RELL1: variants seen among roughly 807,000 people sequenced by gnomAD.
The protein encoded by RELL1 is RELT like 1.
Under a neutral mutation model 23.0 loss-of-function variants are expected in RELL1, and 10 were observed. That is an observed-to-expected ratio of 0.43 (90% CI 0.27 to 0.74). RELL1 has a LOEUF of 0.74. Ranked by LOEUF, RELL1 falls within the 30% of genes least tolerant of loss-of-function variation. The pLI is 0.19. For missense variants in RELL1, 315 were observed against 364.4 expected, an observed-to-expected ratio of 0.86 and a Z score of 1.10; for synonymous variants, 146 against 146.8, an observed-to-expected ratio of 0.99 and a Z score of 0.04.
In RELL1 at chr4:37,595,369, C is replaced by T. The variant is rs529822392; in HGVS notation, c.*4-4152G>A. 2.0e-3 allele frequency among the ~76,000 whole-genome samples: 306 copies of T among 152,268 alleles called. 1 individual carries two copies. The highest frequency in any genetic ancestry group is 7.0e-3 in the African/African-American group (291 of 41,556). ...TGCACATTTAGTCACTTGGAGTCAA[C>T]TATTAGCAATTTTTTTCAACTGAAA... On this transcript the variant is annotated intron_variant, in intron 6 of 6. Transcript: ENST00000314117.
intron 1 of RELL1, among the ~76,000 whole-genome samples, chr4:37,650,425 G>A (rs1437450907): frequency 6.6e-6 from 1 of 152,188 alleles, no homozygotes; most frequent in South Asian, 2.1e-4. Context: ...ATAGAGTGAT[G>A]AACAACGTAA....
chr4:37,588,955 C>G, downstream of RELL1: 1 of 1,362,732 alleles, frequency 7.3e-7, no homozygotes, highest in Non-Finnish European at 1.1e-6. Flanking sequence ...AGCGTGGGGT[C>G]ACTTTTAAAG....
chr4:37,638,447 C>G lies in RELL1; in HGVS notation c.443G>C (p.Ser148Thr). Residue 148 changes from serine (S) to threonine (T), a missense_variant and splice_region_variant, in exon 4 of 7, where the codon AGC (serine) becomes ACC (threonine). Ser to Thr is a moderately conservative substitution (Grantham distance 58). Coordinates refer to ENST00000454158, the MANE Select transcript of RELL1 (RefSeq NM_001085400.2). ...VADNSLYDPE[S>T]PVTPSTPGSP... ...TAAGAAAGAGGGGAGGAGCACTCAC[C>G]TTTCAGGATCATACAGGCTGTTATC... The G allele has an allele frequency of 1.2e-6, 2 of 1,611,272 alleles. No individual in the cohort carries two copies. The highest frequency in any genetic ancestry group is 2.7e-5 in the African/African-American group (2 of 74,916).
intron 3 of RELL1, among the ~76,000 whole-genome samples, chr4:37,640,309 C>T (rs980308572): frequency 2.6e-5 from 4 of 152,214 alleles, no homozygotes; most frequent in Non-Finnish European, 2.9e-5. Flanking sequence ...ATTATGAAAA[C>T]GGATCCATAG....
intron 1 of RELL1, among the ~76,000 whole-genome samples, chr4:37,675,294 T>A (rs1206280541): frequency 6.6e-6 from 1 of 152,262 alleles, no homozygotes; most frequent in East Asian, 1.9e-4. Flanking sequence ...ACCGAATACC[T>A]GCAATTTCAC....
At chr4:37,605,354 A>G (rs530593007) in intron 6 of RELL1, among the ~76,000 whole-genome samples, 1 of 152,280 alleles carries the variant, frequency 6.6e-6, no homozygotes, top group South Asian at 2.1e-4. Context: ...TTGTCCAATA[A>G]AAGGAACCAG....
chr4:37,671,794 T>C (rs972954502), intron 1 of RELL1, among the ~76,000 whole-genome samples: 3 of 152,214 alleles, frequency 2.0e-5, no homozygotes, highest in African/African-American at 7.2e-5. Flanking sequence ...TGATTTCACT[T>C]TACTCTACGG....
rs1719116819 is a variant in RELL1 at position 37,604,808 on chromosome 4, CAGACACACACACAG to C, written c.*4-13605_*4-13592del. 4.5e-5 allele frequency among the ~76,000 whole-genome samples: 2 copies of C among 44,730 alleles called. 1 individual carries two copies. Among genetic ancestry groups the C allele is most frequent in the African/African-American group, 1.2e-4 (2 of 16,042 alleles). 29.3% of individuals were successfully genotyped at this position (44,730 alleles called of 152,430 possible). ...ACAGACACACACACAGACACACACA[CAGACACACACACAG>C]ACACACACATACACACAGACACACA... is the stretch of plus-strand genomic sequence containing the variant. On this transcript the variant is annotated intron_variant, in intron 6 of 6. Coordinates refer to the RELL1 transcript ENST00000314117.
chr4:37,629,834 A>G (rs138441503), intron 6 of RELL1, among the ~76,000 whole-genome samples: 95 of 152,296 alleles, frequency 6.2e-4, no homozygotes, highest in South Asian at 1.7e-3. Flanking sequence ...TCCTCCACTC[A>G]GCCACACCGA....
intron 3 of RELL1, among the ~76,000 whole-genome samples, chr4:37,639,511 T>C (rs1445901341): frequency 4.3e-5 from 6 of 138,668 alleles, no homozygotes; most frequent in Non-Finnish European, 9.8e-5. Flanking sequence ...AGCTAGGCTG[T>C]CAACAAAAGC....
chr4:37,641,112 T>C (rs891678096), intron 3 of RELL1, among the ~76,000 whole-genome samples: 1 of 152,262 alleles, frequency 6.6e-6, no homozygotes, highest in African/African-American at 2.4e-5. Context: ...TTTTTGTAGA[T>C]GTGTGTTTCT....
rs556274147 is a variant in RELL1 at position 37,664,000 on chromosome 4, T to G, written c.89-14500A>C. Among the ~76,000 whole-genome samples, 20 of 152,344 alleles carry G rather than the reference T, an allele frequency of 1.3e-4. 1 individual carries two copies. Among genetic ancestry groups the G allele is most frequent in the African/African-American group, 4.6e-4 (19 of 41,576 alleles). On this transcript the variant is annotated intron_variant, in intron 1 of 6. Transcript: ENST00000454158. ...TCATAAAAAAAAGACTGAAGTCAGCTGTAGGTGAATGAAATTTGTAGTGGC... is the reference window on the plus strand; with the variant it reads ...TCATAAAAAAAAGACTGAAGTCAGCGGTAGGTGAATGAAATTTGTAGTGGC...
chr4:37,591,042 AGCATGCAGAT>A, exon 7 of RELL1: 1 of 1,521,174 alleles, frequency 6.6e-7, no homozygotes, highest in Non-Finnish European at 8.9e-7. Context: ...TGTCATGCTG[AGCATGCAGAT>A]GCATTTGCTC....
intron 6 of RELL1, among the ~76,000 whole-genome samples, chr4:37,622,052 A>T (rs1214154918): frequency 6.6e-6 from 1 of 152,242 alleles, no homozygotes; most frequent in East Asian, 1.9e-4. Flanking sequence ...CAAATAGGGC[A>T]TATAGCTTTT....
intron 1 of RELL1, among the ~76,000 whole-genome samples, chr4:37,662,954 G>C (rs1721406075): frequency 6.6e-6 from 1 of 152,166 alleles, no homozygotes; most frequent in Non-Finnish European, 1.5e-5. Flanking sequence ...CCCCAGACTG[G>C]AGCAAGGTCA....
At chr4:37,607,021 C>T (rs1405309585), downstream of RELL1, among the ~76,000 whole-genome samples, 1 of 152,188 alleles carries the variant, frequency 6.6e-6, no homozygotes, top group Non-Finnish European at 1.5e-5. Context: ...TATGGTGTCC[C>T]TTCCCTTATG....
chr4:37,668,475 C>T (rs1270820685), intron 1 of RELL1, among the ~76,000 whole-genome samples: 1 of 152,060 alleles, frequency 6.6e-6, no homozygotes, highest in Non-Finnish European at 1.5e-5. Flanking sequence ...GCCTCGGCCT[C>T]CCGAGGTGCC....
chr4:37,639,739 C>G (rs929424023), intron 3 of RELL1, among the ~76,000 whole-genome samples: 1 of 152,230 alleles, frequency 6.6e-6, no homozygotes, highest in Non-Finnish European at 1.5e-5. Flanking sequence ...GCACTGTTCT[C>G]ATGACTAACC....
chr4:37,647,698 A>G (rs1008184628), intron 2 of RELL1, among the ~76,000 whole-genome samples: 10 of 152,220 alleles, frequency 6.6e-5, no homozygotes, highest in African/African-American at 2.4e-4. Context: ...TTGAAAATGC[A>G]TTTGTACCAG....
Sources: gnomAD v4.1 joint callset for allele counts (sites outside exome capture counted in the v4.1 genomes callset) on GRCh38, gnomAD v4.1.1 for gene constraint, MANE v1.5 for transcripts, NCBI Gene and HGNC (gene_info 2026-07-23, HGNC 2026-07-21) for gene names.